The following ASAP1 variants were observed in gnomAD, a reference collection of about 807,000 sequenced individuals.
The protein encoded by ASAP1 is ArfGAP with SH3 domain, ankyrin repeat and PH domain 1.
Under a neutral mutation model 145.2 loss-of-function variants are expected in ASAP1, and 43 were observed. The observed-to-expected ratio is 0.30, with a 90% CI of 0.23 to 0.38. The LOEUF (loss-of-function observed/expected upper bound fraction) is 0.38. Among genes scored for constraint, ASAP1 ranks in the 10% least tolerant of loss-of-function variants. The probability of loss-of-function intolerance (pLI) is 1.00; values close to 1 mark genes in which losing one functional copy is unlikely to be tolerated. For missense variants in ASAP1, 1,018 were observed against 1,355.3 expected, an observed-to-expected ratio of 0.75 and a Z score of 3.91; for synonymous variants, 546 against 515.5, an observed-to-expected ratio of 1.06 and a Z score of -0.80.
rs370707442 is a variant in ASAP1, at chr8:130,168,727, C to T, written c.822+265G>A. Reference sequence around the variant, plus strand: ...GACCAAGGAACACTCAAATGTGATGCTAACTGAATCGTAAATGCAGAACCA... The same window carrying T: ...GACCAAGGAACACTCAAATGTGATGTTAACTGAATCGTAAATGCAGAACCA... On this transcript the variant is annotated intron_variant, in intron 10 of 29. Transcript: ENST00000518721. 2.0e-5 allele frequency among the ~76,000 whole-genome samples: 3 copies of T among 152,304 alleles called. No homozygotes were observed. The South Asian group carries it at 6.2e-4, about 32-fold the overall frequency.
chr8:130,263,993 G>A (rs1820094945), intron 3 of ASAP1, among the ~76,000 whole-genome samples: 1 of 152,170 alleles, frequency 6.6e-6, no homozygotes, highest in East Asian at 1.9e-4. Context: ...TGACAACTTA[G>A]GTTCTAGCCC....
chr8:130,304,390 T>C (rs1490148685), intron 3 of ASAP1, among the ~76,000 whole-genome samples: 2 of 152,162 alleles, frequency 1.3e-5, no homozygotes, highest in Non-Finnish European at 2.9e-5. Context: ...AGGAACATCA[T>C]TTCCCCCCTC....
Position 130,443,215 on chromosome 8 carries a change from TCC to T in ASAP1, c.-28+243_-28+244del, listed in dbSNP as rs1436856516. Among the ~76,000 whole-genome samples, 479 of 132,344 alleles carry T rather than the reference TCC, an allele frequency of 3.6e-3. 4 individuals are homozygous for T. The highest frequency in any genetic ancestry group is 0.015 in the African/African-American group (464 of 30,644). The allele number at this position is 132,344 out of a possible 152,430, so 86.8% of individuals were successfully genotyped here. A position where few individuals can be genotyped will look rare whatever the true frequency, so the allele number is the denominator to read the frequency against. On this transcript the variant is annotated intron_variant, in intron 1 of 29. Transcript: ENST00000518721. Reference sequence around the variant, plus strand: ...CTCCCGAGCTGGAGGCGAGGAGACCTCCCCCCCCCACCGGGCGGCCTCGCCCG... The same window carrying T: ...CTCCCGAGCTGGAGGCGAGGAGACCTCCCCCCCACCGGGCGGCCTCGCCCG...
chr8:130,126,647 C>A (rs563601484), intron 16 of ASAP1, among the ~76,000 whole-genome samples: 45 of 152,310 alleles, frequency 3.0e-4, no homozygotes, highest in Non-Finnish European at 4.7e-4. Context: ...TTAGCCAAAT[C>A]TTCAGGTTTC....
At chr8:130,361,636 A>G in intron 2 of ASAP1, 2 of 1,422,308 alleles carry the variant, frequency 1.4e-6, no homozygotes, top group Non-Finnish European at 1.9e-6. Flanking sequence ...ACTGGTCTGC[A>G]ATTACAATTT....
At chr8:130,076,491 G>GT in intron 26 of ASAP1, 85 bp from the exon 27 acceptor site, 1 of 1,016,144 alleles carries the variant, frequency 9.8e-7, no homozygotes, top group Non-Finnish European at 1.5e-6. Flanking sequence ...CAAATCAAAG[G>GT]TATTTACATA....
intron 5 of ASAP1, among the ~76,000 whole-genome samples, chr8:130,206,968 T>C (rs1816265064): frequency 2.0e-5 from 3 of 152,308 alleles, no homozygotes; most frequent in Admixed American, 6.5e-5. Context: ...AATGATTTTA[T>C]TGGTTTCCTT....
At chr8:130,086,526 G>T (rs1029227802) in intron 25 of ASAP1, among the ~76,000 whole-genome samples, 1 of 152,194 alleles carries the variant, frequency 6.6e-6, no homozygotes, top group Non-Finnish European at 1.5e-5. Flanking sequence ...TTTATGGGCT[G>T]GGTGTGGTGG....
intron 12 of ASAP1, among the ~76,000 whole-genome samples, chr8:130,157,015 T>C (rs2097659452): frequency 1.3e-5 from 2 of 152,238 alleles, no homozygotes; most frequent in South Asian, 4.1e-4. Flanking sequence ...AGATATGTAA[T>C]AGTACATTGT....
intron 23 of ASAP1, among the ~76,000 whole-genome samples, chr8:130,113,528 C>T (rs1428737425): frequency 6.6e-6 from 1 of 152,158 alleles, no homozygotes; most frequent in Admixed American, 6.5e-5. Flanking sequence ...GTTGTTAAGG[C>T]TTGAGGACCT....
intron 26 of ASAP1, among the ~76,000 whole-genome samples, chr8:130,076,622 A>C (rs979763758): frequency 6.6e-6 from 1 of 152,062 alleles, no homozygotes; most frequent in Non-Finnish European, 1.5e-5. Flanking sequence ...CCTGGGTTCA[A>C]GCAATTCCCT....
intron 1 of ASAP1, among the ~76,000 whole-genome samples, chr8:130,411,666 A>C (rs929800750): frequency 6.6e-6 from 1 of 152,228 alleles, no homozygotes; most frequent in African/African-American, 2.4e-5. Context: ...AGGAAGTTGT[A>C]TAAGTGTAGA....
At chr8:130,212,729 T>C (rs1036023336) in intron 5 of ASAP1, among the ~76,000 whole-genome samples, 6 of 152,168 alleles carry the variant, frequency 3.9e-5, no homozygotes, top group Non-Finnish European at 5.9e-5. Flanking sequence ...AACAAATGTA[T>C]TAGGTGAGCA....
chr8:130,137,741 T>C (rs184997891), intron 13 of ASAP1, among the ~76,000 whole-genome samples: 1 of 152,218 alleles, frequency 6.6e-6, no homozygotes, highest in Admixed American at 6.5e-5. Flanking sequence ...TATCAGCAAA[T>C]CTCTTGGTCA....
At chr8:130,296,509 T>C (rs1183882045) in intron 3 of ASAP1, among the ~76,000 whole-genome samples, 16 of 104,012 alleles carry the variant, frequency 1.5e-4, no homozygotes, top group Non-Finnish European at 2.6e-4. Flanking sequence ...GCTACTTCCC[T>C]TTTTTTTTTT....
At chr8:130,439,978 C>A (rs1265180420) in intron 1 of ASAP1, among the ~76,000 whole-genome samples, 3 of 152,174 alleles carry the variant, frequency 2.0e-5, no homozygotes, top group African/African-American at 7.2e-5. Flanking sequence ...GTCTTCCTGT[C>A]TCCCACAACA....
At chr8:130,278,755 G>T (rs77364323) in intron 3 of ASAP1, among the ~76,000 whole-genome samples, 15,547 of 152,208 alleles carry the variant, frequency 0.1, 924 homozygotes, top group South Asian at 0.27. Flanking sequence ...TGAAACAGAA[G>T]AGAGGGGGAG....
chr8:130,422,575 A>G (rs1023027994), intron 1 of ASAP1, among the ~76,000 whole-genome samples: 5 of 152,092 alleles, frequency 3.3e-5, no homozygotes, highest in African/African-American at 7.2e-5. Context: ...GTCCTTAGAA[A>G]TCTAATAATC....
intron 26 of ASAP1, among the ~76,000 whole-genome samples, chr8:130,077,325 C>T (rs570098919): frequency 1.5e-4 from 23 of 152,268 alleles, no homozygotes; most frequent in African/African-American, 5.3e-4. Flanking sequence ...GCAACTGAAA[C>T]CCCAGTGCCA....
Sources: allele counts gnomAD v4.1 joint callset (sites outside exome capture counted in the v4.1 genomes callset), GRCh38; gene constraint gnomAD v4.1.1; transcripts MANE v1.5; gene names NCBI Gene and HGNC (gene_info 2026-07-23, HGNC 2026-07-21).